Variants in NTM observed in about 807,000 individuals in gnomAD.
NTM encodes the protein neurotrimin.
A neutral mutation model predicts 42.1 loss-of-function variants in NTM; 13 were observed. The observed-to-expected ratio is 0.31, with a 90% CI of 0.20 to 0.49. The LOEUF is 0.49. Ranked by LOEUF, NTM falls within the 20% of genes least tolerant of loss-of-function variation. NTM has a pLI of 0.99. For synonymous variants in NTM, 187 were observed against 179.2 expected, an observed-to-expected ratio of 1.04 and a Z score of -0.35; for missense variants, 373 against 452.8, an observed-to-expected ratio of 0.82 and a Z score of 1.60.
intron 6 of NTM, among the ~76,000 whole-genome samples, chr11:132,313,070 T>C (rs1301405345): frequency 2.0e-5 from 3 of 152,134 alleles, no homozygotes; most frequent in African/African-American, 7.2e-5. Flanking sequence ...CTGCCTCTCT[T>C]TTCTGATCAA....
At chr11:131,515,420 G>A (rs1412676609) in intron 1 of NTM, among the ~76,000 whole-genome samples, 2 of 152,160 alleles carry the variant, frequency 1.3e-5, no homozygotes, top group East Asian at 1.9e-4. Context: ...CTCCATGTGA[G>A]CAGTTAATCA....
At chr11:131,555,663 T>C (rs2055310335) in intron 1 of NTM, among the ~76,000 whole-genome samples, 1 of 152,214 alleles carries the variant, frequency 6.6e-6, no homozygotes, top group African/African-American at 2.4e-5. Flanking sequence ...TTATCAGCTT[T>C]GATTTTTAGA....
intron 1 of NTM, among the ~76,000 whole-genome samples, chr11:131,731,279 A>G (rs2079649852): frequency 6.6e-6 from 1 of 152,020 alleles, no homozygotes; most frequent in African/African-American, 2.4e-5. Flanking sequence ...CATTATGTTC[A>G]CCTGTTTTCT....
intron 1 of NTM, among the ~76,000 whole-genome samples, chr11:131,576,315 C>A (rs1010419295): frequency 6.6e-6 from 1 of 152,202 alleles, no homozygotes; most frequent in African/African-American, 2.4e-5. Context: ...GAGGGCTCTT[C>A]TTTCAAAAGA....
intron 2 of NTM, among the ~76,000 whole-genome samples, chr11:131,958,573 G>A (rs777362047): frequency 2.8e-4 from 42 of 152,162 alleles, no homozygotes; most frequent in Non-Finnish European, 5.3e-4. Context: ...CATGAACACC[G>A]TCCTTCCTCC....
intron 1 of NTM, among the ~76,000 whole-genome samples, chr11:131,429,412 G>T (rs1158344601): frequency 2.6e-5 from 4 of 152,128 alleles, no homozygotes; most frequent in African/African-American, 9.7e-5. Context: ...GTTGTTGCGA[G>T]AACTCAGTGA....
intron 4 of NTM, 85 bp downstream of exon 4, chr11:132,212,232 C>G: frequency 3.6e-6 from 4 of 1,115,958 alleles, no homozygotes; most frequent in African/African-American, 1.6e-5. Context: ...GTGCTGATAC[C>G]TACTCCAGAG....
In NTM at chr11:131,521,695, TTAGGCTCCCCTCCCAC is replaced by T. The variant is rs1024814521; in HGVS notation, c.82+150823_82+150838del. 5.7e-4 allele frequency among the ~76,000 whole-genome samples: 87 copies of T among 152,132 alleles called. 1 individual carries two copies. The highest frequency in any genetic ancestry group is 1.9e-3 in the African/African-American group (77 of 41,534). On this transcript the variant is annotated intron_variant, in intron 1 of 8. Transcript: ENST00000683400. ...ACCTTCATGACCCACACACCTCTCA[TTAGGCTCCCCTCCCAC>T]TAGGCTCCCCTCCCATACTGAGGAT...
chr11:131,972,490 A>T (rs1565856873), intron 2 of NTM, among the ~76,000 whole-genome samples: 2 of 152,208 alleles, frequency 1.3e-5, no homozygotes. Flanking sequence ...ATGTAACAAA[A>T]GGTAGGGCTA....
rs144407684 is a variant in NTM, at chr11:131,744,540, C to T, written c.83-167024C>T. 7.9e-3 allele frequency among the ~76,000 whole-genome samples: 1,205 copies of T among 151,940 alleles called. 13 individuals carry two copies. Among genetic ancestry groups the T allele is most frequent in the African/African-American group, 0.027 (1,124 of 41,418 alleles). On this transcript the variant is annotated intron_variant, in intron 1 of 8. Coordinates refer to ENST00000683400, the MANE Select transcript of NTM (RefSeq NM_001352005.2). ...GGCAATTCCCTTTTCAAGCAGTCTG[C>T]GGAAAAGCTGTCAGGAGAGGTAAAA...
In NTM at chr11:131,820,719, A is replaced by T. The variant is rs1025055473; in HGVS notation, c.83-90845A>T. Among the ~76,000 whole-genome samples the T allele has an allele frequency of 1.3e-4, 20 of 152,206 alleles. 1 individual carries two copies. The highest frequency in any genetic ancestry group is 4.3e-4 in the African/African-American group (18 of 41,450). Reference sequence around the variant, plus strand: ...AAAGGATTGGCACTTTTTTAAACTTATAAAGATATTAAATACCAGGTGTAT... The same window carrying T: ...AAAGGATTGGCACTTTTTTAAACTTTTAAAGATATTAAATACCAGGTGTAT... On this transcript the variant is annotated intron_variant, in intron 1 of 8. Coordinates refer to ENST00000683400, the MANE Select transcript of NTM (RefSeq NM_001352005.2).
At chr11:131,789,190 T>C (rs935078010) in intron 1 of NTM, among the ~76,000 whole-genome samples, 1 of 151,944 alleles carries the variant, frequency 6.6e-6, no homozygotes, top group Non-Finnish European at 1.5e-5. Context: ...CCGATGATTC[T>C]ATTTCTTTTT....
At chr11:131,495,564 G>A (rs1257949375) in intron 1 of NTM, among the ~76,000 whole-genome samples, 7 of 152,218 alleles carry the variant, frequency 4.6e-5, no homozygotes, top group Non-Finnish European at 1.0e-4. Flanking sequence ...CAGTGTGGTC[G>A]ATACTTGGGA....
intron 2 of NTM, among the ~76,000 whole-genome samples, chr11:132,105,325 T>C (rs865891663): frequency 4.6e-5 from 7 of 152,046 alleles, no homozygotes; most frequent in Middle Eastern, 3.4e-3. Context: ...GGAACACTGG[T>C]AGGTTCAGAA....
At chr11:132,252,376 C>CA (rs1332175481) in intron 4 of NTM, among the ~76,000 whole-genome samples, 2 of 152,082 alleles carry the variant, frequency 1.3e-5, no homozygotes, top group Admixed American at 6.5e-5. Flanking sequence ...GAGCTGAAGC[C>CA]AGGGCTGGCT....
At chr11:131,826,274 C>T (rs749272076) in intron 1 of NTM, among the ~76,000 whole-genome samples, 9 of 151,772 alleles carry the variant, frequency 5.9e-5, no homozygotes, top group Non-Finnish European at 1.0e-4. Context: ...GACATGAAGA[C>T]GAATGAAGCC....
intron 1 of NTM, among the ~76,000 whole-genome samples, chr11:131,834,443 T>C (rs769900276): frequency 5.1e-4 from 77 of 152,014 alleles, no homozygotes; most frequent in Non-Finnish European, 9.3e-4. Context: ...GTAGGCACTG[T>C]GCTGGGGTTG....
chr11:132,282,574 A>G (rs2094017050), intron 4 of NTM, among the ~76,000 whole-genome samples: 2 of 152,108 alleles, frequency 1.3e-5, no homozygotes, highest in African/African-American at 4.8e-5. Context: ...CATGTTTTCC[A>G]AAAAATATCT....
rs761669383 is a variant in NTM at position 131,410,657 on chromosome 11, C to T, written c.82+39769C>T. Among the ~76,000 whole-genome samples, 14 of 151,692 alleles carry T rather than the reference C, an allele frequency of 9.2e-5. 1 individual carries two copies. In the East Asian group the frequency reaches 1.2e-3, roughly 13 times the overall value. On this transcript the variant is annotated intron_variant, in intron 1 of 8. Transcript: ENST00000683400. ...TTTTTTTGTAATTATGTCGCCTTAA[C>T]GGAAGAATATATCCTTCAACTCTGT...
Sources: allele counts gnomAD v4.1 joint callset (sites outside exome capture counted in the v4.1 genomes callset), GRCh38; gene constraint gnomAD v4.1.1; transcripts MANE v1.5; gene names NCBI Gene and HGNC (gene_info 2026-07-23, HGNC 2026-07-21).